The following PSG9 variants were observed in gnomAD, a reference collection of about 807,000 sequenced individuals.
PSG9 encodes pregnancy specific beta-1-glycoprotein 9, also known as pregnancy-specific beta-1-glycoprotein 9.
In PSG9, 49 loss-of-function variants were observed where a neutral mutation model predicts 41.9. The observed-to-expected ratio is 1.17, with a 90% confidence interval of 0.93 to 1.48. PSG9 has a LOEUF of 1.48. PSG9 is among the 40% of genes most tolerant of loss of function. The pLI, the probability that PSG9 is intolerant of heterozygous loss-of-function variation, is 0.00. For synonymous variants in PSG9, 263 were observed against 196.8 expected (o/e 1.34, Z -2.82); for missense variants, 641 against 520.3 (o/e 1.23, Z -2.26).
chr19:43,253,599 G>C lies in PSG9; in HGVS notation c.*10C>G. The C allele has an allele frequency of 2.5e-6, 2 of 808,482 alleles. No homozygotes were observed. Among genetic ancestry groups the C allele is most frequent in the African/African-American group, 1.8e-5 (1 of 54,758 alleles). The allele number at this position is 808,482 out of a possible 1,614,324, so 50.1% of individuals were successfully genotyped here. A position where few individuals can be genotyped will look rare whatever the true frequency, so the allele number is the denominator to read the frequency against. On this transcript the variant is annotated 3_prime_UTR_variant, in exon 6 of 6. Transcript: ENST00000270077. The stretch of plus-strand genomic sequence containing the variant: ...GCCTGTTCTTTTTCTCAGTGTCTCA[G>C]TTGTTGCAGTCATGACTGAGACTCT...
chr19:43,256,075 A>G (rs1372370269), intron 5 of PSG9, among the ~76,000 whole-genome samples: 1 of 146,656 alleles, frequency 6.8e-6, no homozygotes, highest in Non-Finnish European at 1.5e-5. Flanking sequence ...AAGCTGGAGG[A>G]CTCACACTTC....
At chr19:43,260,984 C>A (rs531535642) in intron 3 of PSG9, among the ~76,000 whole-genome samples, 2 of 152,004 alleles carry the variant, frequency 1.3e-5, no homozygotes, top group Non-Finnish European at 2.9e-5. Context: ...AAATCCTTTC[C>A]TTAACTTCCT....
intron 5 of PSG9, chr19:43,257,515 A>T (rs1471816040): frequency 4.1e-6 from 4 of 977,618 alleles, no homozygotes; most frequent in Non-Finnish European, 3.6e-6. Context: ...ACAGCTGGTG[A>T]CTTCAGAGCC....
chr19:43,258,411 C>A lies in PSG9; in HGVS notation c.1034G>T (p.Arg345Leu). Residue 345 changes from arginine (R) to leucine (L), a missense_variant, in exon 5 of 6, where the codon CGT (arginine) becomes CTT (leucine). By Grantham distance (102) the Arg-to-Leu change is moderately radical. Transcript: ENST00000270077. ...GGACAAGTCGAGGTTTTCTCCTGAA[C>A]GGTAATAGGTGAATGAAGGGTAAAT... ...PRIYPSFTYY[R>L]SGENLDLSCF... The A allele has an allele frequency of 5.0e-6, 8 of 1,589,048 alleles. 1 individual carries two copies. Among genetic ancestry groups the A allele is most frequent in the Non-Finnish European group, 6.8e-6 (8 of 1,172,894 alleles).
At chr19:43,268,300 T>G in intron 1 of PSG9, 151 bp from the exon 2 acceptor site, 1 of 1,257,616 alleles carries the variant, frequency 8.0e-7, no homozygotes, top group Non-Finnish European at 1.1e-6. Flanking sequence ...AAAACGGGCA[T>G]GTGTGTTTGT....
chr19:43,266,610 C>A (rs1377904629), intron 2 of PSG9, among the ~76,000 whole-genome samples: 1 of 152,070 alleles, frequency 6.6e-6, no homozygotes, highest in African/African-American at 2.4e-5. Context: ...TTTGCACTGA[C>A]TCTGATGGTT....
intron 4 of PSG9, among the ~76,000 whole-genome samples, 197 bp downstream of exon 4, chr19:43,258,660 A>G (rs1388534607): frequency 6.8e-6 from 1 of 146,140 alleles, no homozygotes; most frequent in Non-Finnish European, 1.5e-5. Flanking sequence ...TCCCATGACA[A>G]GAGCATCCAC....
In PSG9 at chr19:43,269,269, G is replaced by T. The variant is rs553633237; in HGVS notation, c.64+99C>A. The T allele has an allele frequency of 2.3e-5, 36 of 1,587,328 alleles. No individual in the cohort carries two copies. In the East Asian group the frequency reaches 7.2e-4, roughly 32 times the overall value. The stretch of plus-strand genomic sequence containing the variant: ...TCCACCCACCTCAGCCTCCCTAAGA[G>T]CTGGCTTCTTTTATTTTACAACCCC... On this transcript the variant is annotated intron_variant, in intron 1 of 5. Transcript: ENST00000270077.
At chr19:43,265,573 C>T (rs997880193) in intron 2 of PSG9, among the ~76,000 whole-genome samples, 7 of 152,110 alleles carry the variant, frequency 4.6e-5, no homozygotes, top group Admixed American at 3.3e-4. Context: ...GCCCCTGAAA[C>T]GATCCTTGAA....
In PSG9 at chr19:43,261,959, G is replaced by T. The variant is rs568316162; in HGVS notation, c.610C>A (p.Leu204Ile). ...QLSKTNRTLY[L>I]FGVTKYIAGP... ...GCAATATACTTTGTGACACCAAATA[G>T]ATAGAGGGTCCTGTTGGTTTTGGAC... is the stretch of plus-strand genomic sequence containing the variant. Residue 204 changes from leucine (L) to isoleucine (I), a missense_variant, in exon 3 of 6, where the codon CTA (leucine) becomes ATA (isoleucine). By Grantham distance (5) the Leu-to-Ile change is conservative. Coordinates refer to ENST00000270077, the MANE Select transcript of PSG9 (RefSeq NM_002784.5). 151 of 1,612,782 alleles carry T rather than the reference G, an allele frequency of 9.4e-5. 1 individual carries two copies. Among genetic ancestry groups the T allele is most frequent in the South Asian group, 8.3e-4 (75 of 90,904 alleles).
At chr19:43,260,639 CT>C (rs1423291592) in intron 3 of PSG9, 2 of 139,382 alleles carry the variant, frequency 1.4e-5, no homozygotes, top group Non-Finnish European at 3.0e-5. Flanking sequence ...AACTTTCCAC[CT>C]TTTCTGGTTG....
chr19:43,266,724 T>C (rs1415385803), intron 2 of PSG9, among the ~76,000 whole-genome samples: 1 of 152,112 alleles, frequency 6.6e-6, no homozygotes, highest in African/African-American at 2.4e-5. Context: ...AGCCAATAAA[T>C]GACTATGGGG....
chr19:43,264,181 C>T (rs1968857678), intron 2 of PSG9, among the ~76,000 whole-genome samples: 1 of 152,072 alleles, frequency 6.6e-6, no homozygotes, highest in Non-Finnish European at 1.5e-5. Context: ...CACCTGGCCA[C>T]CTCCAACTGG....
Position 43,262,091 on chromosome 19 carries a change from C to T in PSG9, c.478G>A (p.Glu160Lys), listed in dbSNP as rs1367646367. Residue 160 changes from glutamate (E) to lysine (K), a missense_variant, in exon 3 of 6, where the codon GAG (glutamate) becomes AAG (lysine). Glu to Lys is a moderately conservative substitution (Grantham distance 56). Coordinates refer to ENST00000270077, the MANE Select transcript of PSG9 (RefSeq NM_002784.5). Reference protein sequence around the residue: ...YISSSNLNPREAMEAVRLICD... With the variant: ...YISSSNLNPRKAMEAVRLICD... ...ATTAAGCGCACAGCCTCCATGGCCT[C>T]CCTGGGGTTTAAGTTGCTGCTGGAG... is the stretch of plus-strand genomic sequence containing the variant. The T allele has an allele frequency of 6.2e-7, 1 of 1,613,944 alleles. No homozygotes were observed. Among genetic ancestry groups the T allele is most frequent in the East Asian group, 2.2e-5 (1 of 44,876 alleles).
At chr19:43,263,042 TAGACCA>T (rs1968800393) in intron 2 of PSG9, among the ~76,000 whole-genome samples, 1 of 152,182 alleles carries the variant, frequency 6.6e-6, no homozygotes, top group Non-Finnish European at 1.5e-5. Context: ...TGGTGGATAT[TAGACCA>T]ATATTTGGGA....
At position 43,267,892 on chromosome 19, in the gene PSG9, G is replaced by A. The variant is rs765485758; in HGVS notation, c.322C>T (p.Leu108=). ...RETVYSNASL[L]IQNVTRKDAG... ...TCCTTCCGGGTGACATTCTGGATCA[G>A]CAGGGATGCGTTGGAATATACTGTT... Residue 108 remains leucine, a synonymous_variant, in exon 2 of 6, where the codon CTG becomes TTG. Coordinates refer to ENST00000270077, the MANE Select transcript of PSG9 (RefSeq NM_002784.5). 9.3e-6 allele frequency: 15 copies of A among 1,613,690 alleles called. No homozygotes were observed. Among genetic ancestry groups the A allele is most frequent in the South Asian group, 8.8e-5 (8 of 91,072 alleles).
chr19:43,256,507 C>A (rs1968449017), intron 5 of PSG9, among the ~76,000 whole-genome samples: 1 of 146,522 alleles, frequency 6.8e-6, no homozygotes, highest in African/African-American at 2.6e-5. Context: ...CATCCAAAAA[C>A]CCAATTAAAA....
chr19:43,266,393 C>A (rs1450270889), intron 2 of PSG9, among the ~76,000 whole-genome samples: 11 of 151,796 alleles, frequency 7.2e-5, no homozygotes, highest in Non-Finnish European at 1.3e-4. Context: ...TCATTCATTT[C>A]TTCATTCAAG....
At position 43,267,805 on chromosome 19, in the gene PSG9, G is replaced by T. The variant is rs779895921; in HGVS notation, c.409C>A (p.His137Asn). The T allele has an allele frequency of 6.8e-6, 11 of 1,613,116 alleles. No individual in the cohort carries two copies. The South Asian group carries it at 1.2e-4, about 18-fold the overall frequency. ...RGDETREEIR[H>N]FTFTLYLETP... Reference sequence around the variant, plus strand: ...TCACAGTATAAGGTGAAGGTGAAATGTCGAATTTCTTCTCTAGTCTCATCA... The same window carrying T: ...TCACAGTATAAGGTGAAGGTGAAATTTCGAATTTCTTCTCTAGTCTCATCA... Residue 137 changes from histidine (H) to asparagine (N), a missense_variant, in exon 2 of 6, where the codon CAT becomes AAT. His to Asn is a moderately conservative substitution (Grantham distance 68, BLOSUM62 1). Transcript: ENST00000270077.
Sources: allele counts gnomAD v4.1 joint callset (sites outside exome capture counted in the v4.1 genomes callset), GRCh38; gene constraint gnomAD v4.1.1; transcripts MANE v1.5; gene names NCBI Gene and HGNC (gene_info 2026-07-23, HGNC 2026-07-21).